Variants in CSMD1 observed in about 807,000 individuals in gnomAD.
CSMD1 encodes the protein CUB and sushi domain-containing protein 1.
In CSMD1, 213 loss-of-function variants were observed where a neutral mutation model predicts 417.5. The observed-to-expected ratio is 0.51, with a 90% CI of 0.46 to 0.57. The LOEUF is 0.57. Ranked by LOEUF, CSMD1 falls within the 20% of genes least tolerant of loss-of-function variation. CSMD1 has a pLI of 0.00. For synonymous variants in CSMD1, 2,862 were observed against 1,736.8 expected (o/e 1.65, Z -16.11); for missense variants, 6,923 against 4,529.7 (o/e 1.53, Z -15.17).
chr8:4,425,497 C>T (rs547853599), intron 2 of CSMD1, among the ~76,000 whole-genome samples: 1 of 151,936 alleles, frequency 6.6e-6, no homozygotes, highest in African/African-American at 2.4e-5. Flanking sequence ...ATGTTTATAG[C>T]CATTTACTCC....
At chr8:4,813,547 C>A (rs1799031856) in intron 1 of CSMD1, among the ~76,000 whole-genome samples, 1 of 152,176 alleles carries the variant, frequency 6.6e-6, no homozygotes, top group Non-Finnish European at 1.5e-5. Flanking sequence ...AATGTGTTAA[C>A]TCTTTCCAGA....
intron 2 of CSMD1, among the ~76,000 whole-genome samples, chr8:4,546,359 G>A (rs906745833): frequency 2.6e-5 from 4 of 152,128 alleles, no homozygotes; most frequent in African/African-American, 9.7e-5. Flanking sequence ...CAGATAGCTG[G>A]TAAAAGATTG....
chr8:3,279,834 T>C (rs529143396), intron 26 of CSMD1, among the ~76,000 whole-genome samples: 1 of 152,218 alleles, frequency 6.6e-6, no homozygotes, highest in East Asian at 1.9e-4. Context: ...GACTTACTTA[T>C]TGTCATGAGA....
chr8:4,320,531 C>G (rs745617027), intron 3 of CSMD1, among the ~76,000 whole-genome samples: 47 of 152,156 alleles, frequency 3.1e-4, no homozygotes, highest in Non-Finnish European at 5.7e-4. Flanking sequence ...CCAACAGGCC[C>G]CAGTGGGTGA....
At chr8:4,136,968 T>C (rs572359291) in intron 3 of CSMD1, among the ~76,000 whole-genome samples, 1 of 152,342 alleles carries the variant, frequency 6.6e-6, no homozygotes, top group South Asian at 2.1e-4. Context: ...TCAGCCTATA[T>C]CAATGAAACA....
chr8:4,133,908 T>A (rs1803262665), intron 3 of CSMD1, among the ~76,000 whole-genome samples: 1 of 152,200 alleles, frequency 6.6e-6, no homozygotes, highest in Non-Finnish European at 1.5e-5. Flanking sequence ...AACATAGTTA[T>A]CCAGGGAAAC....
intron 8 of CSMD1, among the ~76,000 whole-genome samples, chr8:3,587,471 G>C (rs997921717): frequency 6.6e-6 from 1 of 152,252 alleles, no homozygotes; most frequent in Admixed American, 6.5e-5. Context: ...TGTCAGTGTG[G>C]ATGGATGAAG....
chr8:4,355,429 C>G (rs1316860935), intron 3 of CSMD1, among the ~76,000 whole-genome samples: 1 of 151,944 alleles, frequency 6.6e-6, no homozygotes, highest in African/African-American at 2.4e-5. Context: ...CAGGTATCTT[C>G]TTTATGTGTT....
intron 3 of CSMD1, among the ~76,000 whole-genome samples, chr8:4,056,651 C>T (rs1198064395): frequency 6.6e-6 from 1 of 151,890 alleles, no homozygotes; most frequent in Non-Finnish European, 1.5e-5. Context: ...CATCATTTAG[C>T]ATTAGGTATA....
chr8:3,428,244 G>A (rs962707468), intron 12 of CSMD1, among the ~76,000 whole-genome samples: 7 of 151,972 alleles, frequency 4.6e-5, no homozygotes, highest in African/African-American at 1.7e-4. Context: ...CTCGAGGAAG[G>A]GGGGACCTTA....
At chr8:3,929,841 T>C (rs1213417730) in intron 5 of CSMD1, among the ~76,000 whole-genome samples, 2 of 149,658 alleles carry the variant, frequency 1.3e-5, no homozygotes, top group East Asian at 2.0e-4. Context: ...TTTGTGTTTT[T>C]AGTAGAGACG....
chr8:4,122,206 T>C (rs1479647586), intron 3 of CSMD1, among the ~76,000 whole-genome samples: 1 of 152,216 alleles, frequency 6.6e-6, no homozygotes, highest in African/African-American at 2.4e-5. Flanking sequence ...GTGTTAATGA[T>C]AGTCTATTTG....
chr8:4,195,278 C>G (rs914102315), intron 3 of CSMD1, among the ~76,000 whole-genome samples: 1 of 152,116 alleles, frequency 6.6e-6, no homozygotes, highest in Admixed American at 6.5e-5. Flanking sequence ...CTCTTTCACC[C>G]AGGCAGTTCC....
chr8:3,351,323 A>C (rs1300218242), intron 21 of CSMD1, among the ~76,000 whole-genome samples: 1 of 152,156 alleles, frequency 6.6e-6, no homozygotes, highest in Non-Finnish European at 1.5e-5. Context: ...GAAAGTATAC[A>C]AACTTGGCCA....
chr8:4,329,769 C>T (rs1204924308), intron 3 of CSMD1, among the ~76,000 whole-genome samples: 1 of 151,960 alleles, frequency 6.6e-6, no homozygotes, highest in Non-Finnish European at 1.5e-5. Flanking sequence ...CTTGGGCCAT[C>T]CCCTTGGTGA....
At chr8:3,983,525 C>T (rs1814066834) in intron 5 of CSMD1, among the ~76,000 whole-genome samples, 1 of 152,304 alleles carries the variant, frequency 6.6e-6, no homozygotes, top group East Asian at 1.9e-4. Context: ...GGAAACTGCC[C>T]TTGGATGCCA....
chr8:3,533,092 A>G (rs941213379), intron 10 of CSMD1, among the ~76,000 whole-genome samples: 2 of 152,170 alleles, frequency 1.3e-5, no homozygotes, highest in African/African-American at 4.8e-5. Context: ...GTACCTTTCC[A>G]TCACCATCTT....
intron 3 of CSMD1, among the ~76,000 whole-genome samples, chr8:4,334,940 T>A (rs1362499837): frequency 1.3e-5 from 2 of 152,292 alleles, no homozygotes; most frequent in East Asian, 3.9e-4. Flanking sequence ...GCTGTATTTT[T>A]GCTACATCCT....
At chr8:4,261,116 C>T (rs1008251486) in intron 3 of CSMD1, among the ~76,000 whole-genome samples, 2 of 152,140 alleles carry the variant, frequency 1.3e-5, no homozygotes, top group African/African-American at 4.8e-5. Context: ...TTACACATGT[C>T]TGTGTTTGTT....
Sources: allele counts gnomAD v4.1 joint callset (sites outside exome capture counted in the v4.1 genomes callset), GRCh38; gene constraint gnomAD v4.1.1; transcripts MANE v1.5; gene names NCBI Gene and HGNC (gene_info 2026-07-23, HGNC 2026-07-21).